HMG20A: variants seen among roughly 807,000 people sequenced by gnomAD.
The protein encoded by HMG20A is high mobility group 20A.
Under a neutral mutation model 43.9 loss-of-function variants are expected in HMG20A, and 17 were observed. The ratio of observed to expected loss-of-function variants is 0.39; its 90% CI spans 0.27 to 0.58. HMG20A has a LOEUF of 0.58. Among genes scored for constraint, HMG20A ranks in the 20% least tolerant of loss-of-function variants. The probability of loss-of-function intolerance (pLI) is 0.59; values close to 1 mark genes in which losing one functional copy is unlikely to be tolerated. For missense variants in HMG20A, 341 were observed against 438.2 expected, an observed-to-expected ratio of 0.78 and a Z score of 1.98; for synonymous variants, 132 against 147.5, an observed-to-expected ratio of 0.89 and a Z score of 0.76.
chr15:77,470,309 AG>A (rs2072795575), intron 4 of HMG20A, among the ~76,000 whole-genome samples: 5 of 152,262 alleles, frequency 3.3e-5, no homozygotes, highest in Admixed American at 3.3e-4. Context: ...AATAATTAAT[AG>A]CACAAAGCAA....
At chr15:77,431,253 C>T (rs904390708) in intron 1 of HMG20A, among the ~76,000 whole-genome samples, 1 of 151,918 alleles carries the variant, frequency 6.6e-6, no homozygotes, top group South Asian at 2.1e-4. Flanking sequence ...CCTCTGTCAC[C>T]CAGGCTGGAA....
intron 1 of HMG20A, among the ~76,000 whole-genome samples, chr15:77,430,011 GT>G (rs922698351): frequency 6.6e-6 from 1 of 152,186 alleles, no homozygotes; most frequent in Non-Finnish European, 1.5e-5. Context: ...GAAAACTGGT[GT>G]TCTAGAATCA....
the HMG20A span, among the ~76,000 whole-genome samples, chr15:77,506,788 A>G: frequency 6.6e-6 from 1 of 152,242 alleles, no homozygotes. Context: ...GAAACAGGAA[A>G]TGTCCTTGCA....
chr15:77,455,261 A>G (rs1483160302), intron 1 of HMG20A, among the ~76,000 whole-genome samples: 1 of 148,738 alleles, frequency 6.7e-6, no homozygotes, highest in African/African-American at 2.5e-5. Flanking sequence ...TGTTCTGGCC[A>G]TATATTGACC....
chr15:77,425,289 C>A (rs919228725), intron 1 of HMG20A, among the ~76,000 whole-genome samples: 1 of 152,156 alleles, frequency 6.6e-6, no homozygotes, highest in African/African-American at 2.4e-5. Flanking sequence ...AGGTCTTATT[C>A]CACTCTGTGC....
At chr15:77,454,541 T>C (rs1464525818) in intron 1 of HMG20A, among the ~76,000 whole-genome samples, 6 of 152,150 alleles carry the variant, frequency 3.9e-5, no homozygotes, top group Non-Finnish European at 7.3e-5. Context: ...CCTAAGAACA[T>C]ACAAAGTGAT....
At chr15:77,502,924 C>G in the HMG20A span, among the ~76,000 whole-genome samples, 2 of 152,138 alleles carry the variant, frequency 1.3e-5, no homozygotes, top group Non-Finnish European at 1.5e-5. Flanking sequence ...GAGCTAGGAT[C>G]CCACTGGACT....
At chr15:77,426,973 A>G (rs1026697483) in intron 1 of HMG20A, among the ~76,000 whole-genome samples, 1 of 152,176 alleles carries the variant, frequency 6.6e-6, no homozygotes, top group Non-Finnish European at 1.5e-5. Context: ...TTAACAAAGG[A>G]GAAAAACATC....
intron 1 of HMG20A, among the ~76,000 whole-genome samples, chr15:77,452,602 C>G (rs1487118845): frequency 6.6e-6 from 1 of 152,058 alleles, no homozygotes; most frequent in African/African-American, 2.4e-5. Flanking sequence ...TGCATTTTCT[C>G]AGAATGAATC....
At chr15:77,516,413 CT>C in the HMG20A span, among the ~76,000 whole-genome samples, 1 of 152,150 alleles carries the variant, frequency 6.6e-6, no homozygotes, top group African/African-American at 2.4e-5. Context: ...GAGTTCAAGG[CT>C]GCAATGAGCC....
At chr15:77,439,125 T>C (rs994116143) in intron 1 of HMG20A, among the ~76,000 whole-genome samples, 1 of 152,202 alleles carries the variant, frequency 6.6e-6, no homozygotes, top group Admixed American at 6.5e-5. Flanking sequence ...AGAATAACTT[T>C]ACAATTGTCA....
chr15:77,498,003 T>C, the HMG20A span, among the ~76,000 whole-genome samples: 1 of 152,144 alleles, frequency 6.6e-6, no homozygotes, highest in African/African-American at 2.4e-5. Flanking sequence ...AAGTGGAAGA[T>C]CTTTATCTAG....
chr15:77,451,953 ACT>A (rs1265907883), intron 1 of HMG20A, among the ~76,000 whole-genome samples: 6 of 152,210 alleles, frequency 3.9e-5, no homozygotes, highest in African/African-American at 1.4e-4. Context: ...ATGAACACTG[ACT>A]CTATTGTTTG....
chr15:77,446,130 T>A (rs2073671273), intron 1 of HMG20A, among the ~76,000 whole-genome samples: 1 of 152,188 alleles, frequency 6.6e-6, no homozygotes, highest in South Asian at 2.1e-4. Context: ...TTTTCTCAGC[T>A]GGTGTTTTCT....
intron 4 of HMG20A, among the ~76,000 whole-genome samples, chr15:77,468,625 A>ACACT (rs1192120950): frequency 4.0e-5 from 6 of 148,628 alleles, no homozygotes; most frequent in African/African-American, 1.5e-4. Context: ...ACACACACAC[A>ACACT]CTTGCATGTG....
the HMG20A span, among the ~76,000 whole-genome samples, chr15:77,510,026 T>A: frequency 6.6e-6 from 1 of 152,136 alleles, no homozygotes; most frequent in Admixed American, 6.5e-5. Context: ...GGGTTTCCCA[T>A]CATCCTTACC....
intron 1 of HMG20A, among the ~76,000 whole-genome samples, chr15:77,442,998 T>A (rs2142297040): frequency 6.6e-6 from 1 of 151,960 alleles, no homozygotes; most frequent in Non-Finnish European, 1.5e-5. Context: ...TTATTCATAA[T>A]TTCACCACCC....
In HMG20A at chr15:77,479,258, A is replaced by G. The variant is rs1387009422; in HGVS notation, c.987A>G (p.Gln329=). ...RLHSIILANP[Q]DNENFIATVR... ...ACAGTATTATTTTAGCTAATCCCCA[A>G]GACAATGAAAACTTCATAGCTACAG... is the stretch of plus-strand genomic sequence containing the variant. Residue 329 remains glutamine, a synonymous_variant, in exon 9 of 10, where the codon CAA becomes CAG. Transcript: ENST00000336216. 1 of 1,614,032 alleles carries G rather than the reference A, an allele frequency of 6.2e-7. No homozygotes were observed. Among genetic ancestry groups the G allele is most frequent in the African/African-American group, 1.3e-5 (1 of 74,938 alleles).
At chr15:77,437,690 G>A (rs1220849815) in intron 1 of HMG20A, among the ~76,000 whole-genome samples, 2 of 151,884 alleles carry the variant, frequency 1.3e-5, no homozygotes, top group East Asian at 3.9e-4. Flanking sequence ...TCCTGCCTCA[G>A]CCTCCTGAGT....
Sources: gnomAD v4.1 joint callset for allele counts (sites outside exome capture counted in the v4.1 genomes callset) on GRCh38, gnomAD v4.1.1 for gene constraint, MANE v1.5 for transcripts, NCBI Gene and HGNC (gene_info 2026-07-23, HGNC 2026-07-21) for gene names.